BICRAL: variants seen among roughly 807,000 people sequenced by gnomAD.
The protein encoded by BICRAL is BRD4-interacting chromatin-remodeling complex-associated protein-like.
BICRAL carries 8 observed loss-of-function variants against 91.8 expected under a neutral mutation model. The observed-to-expected ratio is 0.09, with a 90% CI of 0.05 to 0.16. The LOEUF (loss-of-function observed/expected upper bound fraction) is 0.16, where lower values mean the gene tolerates loss of function less well. Among genes scored for constraint, BICRAL ranks in the 10% least tolerant of loss-of-function variants. The pLI is 1.00. For missense variants in BICRAL, 1,038 were observed against 1,310.9 expected (o/e 0.79, Z 3.21); for synonymous variants, 445 against 491.1 (o/e 0.91, Z 1.24).
intron 1 of BICRAL, among the ~76,000 whole-genome samples, chr6:42,753,887 C>T (rs988443737): frequency 2.0e-5 from 3 of 152,218 alleles, no homozygotes; most frequent in African/African-American, 7.2e-5. Flanking sequence ...GCTGGGATTA[C>T]AGGCACGAGC....
intron 11 of BICRAL, among the ~76,000 whole-genome samples, chr6:42,861,108 A>G (rs892600594): frequency 1.3e-5 from 2 of 152,134 alleles, no homozygotes; most frequent in Non-Finnish European, 2.9e-5. Flanking sequence ...TCTGGGCAAC[A>G]AGAGCGAAAC....
At position 42,822,978 on chromosome 6, in the gene BICRAL, C is replaced by A; in HGVS notation, c.134C>A (p.Ser45Ter). The change falls in exon 5 of 13, where the codon TCA becomes TAA. Residue 45 changes from serine (S) to a stop codon, truncating the protein, a stop_gained. Coordinates refer to ENST00000314073, the MANE Select transcript of BICRAL (RefSeq NM_001393499.1). LOFTEE classifies it high-confidence loss of function. The part of the protein sequence containing the change: ...LTNAGYSAAN[S>*]NSIFANSSNA... ...AATGCAGGATATTCTGCAGCCAATT[C>A]AAATTCAATTTTCGCCAACTCTAGT... The A allele has an allele frequency of 6.2e-7, 1 of 1,611,028 alleles. No homozygotes were observed. Among genetic ancestry groups the A allele is most frequent in the South Asian group, 1.1e-5 (1 of 91,000 alleles).
At chr6:42,857,614 A>AAAAAAAAATATATATATATATATATATAT in intron 10 of BICRAL, among the ~76,000 whole-genome samples, 1 of 96,240 alleles carries the variant, frequency 1.0e-5, no homozygotes, top group African/African-American at 6.5e-5. Flanking sequence ...AAAAAAAAAA[A>AAAAAAAAATATATATATATATATATATAT]ATATATATAT....
intron 1 of BICRAL, among the ~76,000 whole-genome samples, chr6:42,786,699 CAAAG>C (rs1421197259): frequency 6.6e-6 from 1 of 152,078 alleles, no homozygotes; most frequent in Non-Finnish European, 1.5e-5. Context: ...TAGTAAGGGT[CAAAG>C]AAAGTCTTTT....
chr6:42,865,619 G>C lies in BICRAL; in HGVS notation c.*173G>C. Reference sequence around the variant, plus strand: ...TCTCAATCCTGTTCTTTGTTTAAGAGCAATACTTGTCGTGATTACAGGGAG... The same window carrying C: ...TCTCAATCCTGTTCTTTGTTTAAGACCAATACTTGTCGTGATTACAGGGAG... On this transcript the variant is annotated 3_prime_UTR_variant, in exon 13 of 13. Coordinates refer to ENST00000314073, the MANE Select transcript of BICRAL (RefSeq NM_001393499.1). The C allele has an allele frequency of 1.7e-6, 1 of 588,026 alleles. No individual in the cohort carries two copies. The highest frequency in any genetic ancestry group is 3.0e-6 in the Non-Finnish European group (1 of 330,088). The allele number at this position is 588,026 out of a possible 1,614,324, so 36.4% of individuals were successfully genotyped here. A position where few individuals can be genotyped will look rare whatever the true frequency, so the allele number is the denominator to read the frequency against.
upstream of BICRAL, among the ~76,000 whole-genome samples, chr6:42,778,879 G>A (rs1049777355): frequency 1.3e-5 from 2 of 151,948 alleles, no homozygotes; most frequent in African/African-American, 2.4e-5. Context: ...GTGCAATGGC[G>A]CAATCTTGGC....
intron 5 of BICRAL, among the ~76,000 whole-genome samples, chr6:42,823,460 GTAGACATTTTCTACTTTTAACTTAGTC>G (rs1331865523): frequency 1.5e-4 from 23 of 152,102 alleles, no homozygotes; most frequent in Admixed American, 1.5e-3. Flanking sequence ...ATTGAATTAT[GTAGACATTTTCTACTTTTAACTTAGTC>G]AATTAAGACA....
chr6:42,746,726 C>G (rs544275562), upstream of BICRAL, among the ~76,000 whole-genome samples: 538 of 152,236 alleles, frequency 3.5e-3, 6 homozygotes, highest in South Asian at 0.015. Context: ...CCCCCTCCCC[C>G]CTATCCACTG....
At chr6:42,805,918 C>T (rs757484592) in intron 1 of BICRAL, among the ~76,000 whole-genome samples, 10 of 151,686 alleles carry the variant, frequency 6.6e-5, no homozygotes, top group Non-Finnish European at 1.0e-4. Flanking sequence ...AGGAGAATGG[C>T]GTGAACCCAG....
intron 10 of BICRAL, among the ~76,000 whole-genome samples, chr6:42,859,120 G>T (rs185318163): frequency 1.3e-4 from 20 of 152,212 alleles, no homozygotes; most frequent in African/African-American, 3.4e-4. Flanking sequence ...GCTGGGCATG[G>T]TTCTTCACGC....
chr6:42,772,017 A>C (rs1762745138), intron 1 of BICRAL, among the ~76,000 whole-genome samples: 1 of 152,142 alleles, frequency 6.6e-6, no homozygotes, highest in Non-Finnish European at 1.5e-5. Context: ...TAAACAAATC[A>C]TTATTGTAAA....
chr6:42,799,021 C>T (rs1266645062), intron 1 of BICRAL, among the ~76,000 whole-genome samples: 1 of 152,102 alleles, frequency 6.6e-6, no homozygotes, highest in Non-Finnish European at 1.5e-5. Flanking sequence ...GGGTGCAGAA[C>T]CCATGAATAT....
intron 6 of BICRAL, among the ~76,000 whole-genome samples, chr6:42,846,791 G>T (rs571532719): frequency 2.0e-5 from 3 of 152,194 alleles, no homozygotes; most frequent in Non-Finnish European, 4.4e-5. Context: ...GTGTGTAGCG[G>T]TTGCTTCTTC....
At chr6:42,781,674 T>C (rs1762913782), upstream of BICRAL, among the ~76,000 whole-genome samples, 1 of 151,084 alleles carries the variant, frequency 6.6e-6, no homozygotes, top group Non-Finnish European at 1.5e-5. Flanking sequence ...TCTTAGTAAT[T>C]GTTTTAAAGC....
At chr6:42,764,165 C>T (rs1376346028) in intron 1 of BICRAL, among the ~76,000 whole-genome samples, 1 of 150,244 alleles carries the variant, frequency 6.7e-6, no homozygotes, top group South Asian at 2.1e-4. Flanking sequence ...TCACTTGAAC[C>T]TGGGAGGCAG....
chr6:42,776,042 G>A (rs577665221), intron 1 of BICRAL, among the ~76,000 whole-genome samples: 86 of 152,232 alleles, frequency 5.6e-4, no homozygotes, highest in African/African-American at 2.0e-3. Context: ...TTTATTTTGA[G>A]TCAGAGTCTT....
At position 42,857,117 on chromosome 6, in the gene BICRAL, A is replaced by G. The variant is rs750397442; in HGVS notation, c.2135A>G (p.Gln712Arg). The G allele has an allele frequency of 6.2e-7, 1 of 1,613,760 alleles. No homozygotes were observed. The highest frequency in any genetic ancestry group is 1.7e-5 in the Admixed American group (1 of 59,992). ...AFILQQLQRD[Q>R]AHTVTPDKSH... ...ATTCTCCAGCAGTTGCAGAGGGACC[A>G]AGCCCACACTGTGACACCAGACAAA... The change falls in exon 10 of 13, where the codon CAA becomes CGA. Residue 712 changes from glutamine to arginine, a missense_variant. Transcript: ENST00000314073.
chr6:42,814,259 C>T (rs140959279), intron 2 of BICRAL, among the ~76,000 whole-genome samples: 115 of 133,408 alleles, frequency 8.6e-4, no homozygotes, highest in African/African-American at 3.1e-3. Context: ...TTTTGAGACA[C>T]GGTCTCACTT....
Position 42,828,523 on chromosome 6 carries a change from G to A in BICRAL, c.190G>A (p.Val64Ile). ...TGATCCTAAGTCATCCCTCAAAGGT[G>A]TAAGCAACCAGCTTGGAGAAGGGCC... ...NADPKSSLKG[V>I]SNQLGEGPSD... The change falls in exon 6 of 13, where the codon GTA (valine) becomes ATA (isoleucine). Residue 64 changes from valine to isoleucine, a missense_variant. Coordinates refer to ENST00000314073, the MANE Select transcript of BICRAL (RefSeq NM_001393499.1). 6.2e-7 allele frequency: 1 copy of A among 1,613,580 alleles called. No homozygotes were observed. Among genetic ancestry groups the A allele is most frequent in the Non-Finnish European group, 8.5e-7 (1 of 1,179,658 alleles).
Sources: allele counts gnomAD v4.1 joint callset (sites outside exome capture counted in the v4.1 genomes callset), GRCh38; gene constraint gnomAD v4.1.1; transcripts MANE v1.5; gene names NCBI Gene and HGNC (gene_info 2026-07-23, HGNC 2026-07-21).